The following CLASP2 variants were observed in gnomAD, a reference collection of about 807,000 sequenced individuals.
The protein encoded by CLASP2 is cytoplasmic linker associated protein 2, also known as CLIP-associating protein 2.
A neutral mutation model predicts 194.4 loss-of-function variants in CLASP2; 47 were observed. The observed-to-expected ratio is 0.24, with a 90% CI of 0.19 to 0.31. The LOEUF is 0.31. CLASP2 is among the 10% of genes least tolerant of loss of function. The pLI, the probability that CLASP2 is intolerant of heterozygous loss-of-function variation, is 1.00. For synonymous variants in CLASP2, 619 were observed against 633.5 expected, an observed-to-expected ratio of 0.98 and a Z score of 0.34; for missense variants, 1,445 against 1,823.6, an observed-to-expected ratio of 0.79 and a Z score of 3.78.
chr3:33,662,576 C>T (rs541366765), intron 7 of CLASP2, among the ~76,000 whole-genome samples: 1 of 152,276 alleles, frequency 6.6e-6, no homozygotes, highest in African/African-American at 2.4e-5. Flanking sequence ...CTTCCCGCAA[C>T]ACATCCTCAG....
intron 7 of CLASP2, among the ~76,000 whole-genome samples, chr3:33,654,379 T>C (rs1013078917): frequency 3.3e-5 from 5 of 152,154 alleles, no homozygotes; most frequent in African/African-American, 7.2e-5. Context: ...CTTTTGTTTG[T>C]CAAAGTTAAA....
chr3:33,532,854 C>T (rs560170015), intron 34 of CLASP2, among the ~76,000 whole-genome samples: 8 of 152,172 alleles, frequency 5.3e-5, no homozygotes, highest in South Asian at 2.1e-4. Flanking sequence ...CTGGCACTGG[C>T]TAATTTCTTG....
intron 34 of CLASP2, among the ~76,000 whole-genome samples, chr3:33,524,080 A>G (rs1471662994): frequency 6.6e-6 from 1 of 152,078 alleles, no homozygotes; most frequent in Non-Finnish European, 1.5e-5. Flanking sequence ...TGACAGAAGT[A>G]AGTCCTTTCT....
intron 6 of CLASP2, among the ~76,000 whole-genome samples, chr3:33,674,693 G>A (rs1452060882): frequency 6.6e-6 from 1 of 151,870 alleles, no homozygotes; most frequent in Non-Finnish European, 1.5e-5. Context: ...CTGCTAGCAA[G>A]ACTAATAAAG....
At chr3:33,555,061 TAA>T (rs150522066) in intron 29 of CLASP2, among the ~76,000 whole-genome samples, 7,748 of 152,096 alleles carry the variant, frequency 0.051, 314 homozygotes, top group Non-Finnish European at 0.07. Flanking sequence ...TGAAAATTGA[TAA>T]AAGAGTGAAT....
chr3:33,682,895 C>T (rs541781957), intron 6 of CLASP2: 9 of 152,304 alleles, frequency 5.9e-5, no homozygotes, highest in Admixed American at 2.0e-4. Flanking sequence ...AGATTCCCTG[C>T]TACAGTCTAC....
At chr3:33,535,853 A>G (rs922627306) in intron 33 of CLASP2, among the ~76,000 whole-genome samples, 1 of 152,020 alleles carries the variant, frequency 6.6e-6, no homozygotes, top group Non-Finnish European at 1.5e-5. Flanking sequence ...TATTAAGGTA[A>G]TGGTATATCA....
chr3:33,622,323 G>A, intron 10 of CLASP2, 43 bp from the exon 11 acceptor site: 1 of 1,386,162 alleles, frequency 7.2e-7, no homozygotes, highest in Non-Finnish European at 9.4e-7. Context: ...AGGTGGAAGT[G>A]CAAAAAAAAG....
chr3:33,622,082 T>A, intron 11 of CLASP2, 53 bp downstream of exon 11: 1 of 1,293,552 alleles, frequency 7.7e-7, no homozygotes. Context: ...AATGAATCAG[T>A]GAATACTAAA....
intron 2 of CLASP2, among the ~76,000 whole-genome samples, chr3:33,693,762 A>C: frequency 6.6e-6 from 1 of 152,210 alleles, no homozygotes; most frequent in East Asian, 1.9e-4. Flanking sequence ...AGTTTCATTA[A>C]GGAAAATGAT....
At chr3:33,520,677 A>T (rs1314538576) in intron 34 of CLASP2, among the ~76,000 whole-genome samples, 1 of 152,222 alleles carries the variant, frequency 6.6e-6, no homozygotes, top group African/African-American at 2.4e-5. Flanking sequence ...AAATTGGTAA[A>T]CATATTAAAG....
chr3:33,683,455 A>C, intron 6 of CLASP2: 1 of 152,188 alleles, frequency 6.6e-6, no homozygotes, highest in East Asian at 1.9e-4. Context: ...AAAAAATACA[A>C]AAAGTAGCCA....
chr3:33,693,336 A>C (rs1559657822), intron 2 of CLASP2, among the ~76,000 whole-genome samples: 1 of 152,172 alleles, frequency 6.6e-6, no homozygotes, highest in Non-Finnish European at 1.5e-5. Context: ...TAATAACCCG[A>C]GTGCACCAAA....
At chr3:33,581,715 G>C in intron 23 of CLASP2, 106 bp downstream of exon 23, 2 of 719,994 alleles carry the variant, frequency 2.8e-6, no homozygotes, top group Non-Finnish European at 4.8e-6. Context: ...GGGGTAGAGA[G>C]AAAGATCTGT....
intron 26 of CLASP2, among the ~76,000 whole-genome samples, chr3:33,568,591 C>A (rs1262961034): frequency 8.2e-6 from 1 of 122,354 alleles, no homozygotes; most frequent in South Asian, 2.6e-4. Context: ...CACACACACA[C>A]CCCCTCACAT....
chr3:33,561,947 T>A (rs1335934865), intron 27 of CLASP2, among the ~76,000 whole-genome samples: 1 of 152,146 alleles, frequency 6.6e-6, no homozygotes, highest in Non-Finnish European at 1.5e-5. Context: ...CAAGTTAATC[T>A]CAAAAAGTAA....
intron 8 of CLASP2, among the ~76,000 whole-genome samples, chr3:33,636,624 C>CA (rs2080195723): frequency 6.6e-6 from 1 of 152,154 alleles, no homozygotes; most frequent in Admixed American, 6.5e-5. Flanking sequence ...TTTATTGCGA[C>CA]AGAGTTTCGC....
At chr3:33,655,738 G>A (rs889910207) in intron 7 of CLASP2, among the ~76,000 whole-genome samples, 1 of 152,018 alleles carries the variant, frequency 6.6e-6, no homozygotes, top group Non-Finnish European at 1.5e-5. Flanking sequence ...TGTAAATCAA[G>A]TTTTATATAT....
intron 7 of CLASP2, among the ~76,000 whole-genome samples, chr3:33,648,866 T>C (rs2082707582): frequency 1.3e-5 from 2 of 152,352 alleles, no homozygotes; most frequent in South Asian, 4.1e-4. Context: ...AGTCTAGGAA[T>C]AACTGTCACA....
Sources: gnomAD v4.1 joint callset for allele counts (sites outside exome capture counted in the v4.1 genomes callset) on GRCh38, gnomAD v4.1.1 for gene constraint, MANE v1.5 for transcripts, NCBI Gene and HGNC (gene_info 2026-07-23, HGNC 2026-07-21) for gene names.